The following CUX1 variants were observed in gnomAD, a reference collection of about 807,000 sequenced individuals.
CUX1 encodes the protein cut like homeobox 1.
In CUX1, 31 loss-of-function variants were observed where a neutral mutation model predicts 158.8. That is an observed-to-expected ratio of 0.20 (90% CI 0.15 to 0.26). CUX1 has a LOEUF of 0.26. CUX1 is among the 10% of genes least tolerant of loss of function. The probability of loss-of-function intolerance (pLI) is 1.00; values close to 1 mark genes in which losing one functional copy is unlikely to be tolerated. For synonymous variants in CUX1, 879 were observed against 862.1 expected, an observed-to-expected ratio of 1.02 and a Z score of -0.34; for missense variants, 1,589 against 2,014.6, an observed-to-expected ratio of 0.79 and a Z score of 4.04.
At chr7:102,035,269 A>G (rs978401681) in intron 3 of CUX1, among the ~76,000 whole-genome samples, 1 of 152,100 alleles carries the variant, frequency 6.6e-6, no homozygotes, top group African/African-American at 2.4e-5. Context: ...TACCCATACA[A>G]CCATGCCGTT....
At chr7:102,168,586 G>T (rs1411138614) in intron 9 of CUX1, among the ~76,000 whole-genome samples, 1 of 146,982 alleles carries the variant, frequency 6.8e-6, no homozygotes, top group Non-Finnish European at 1.5e-5. Context: ...GGAGGCTGCA[G>T]TGAGCCAAGA....
intron 5 of CUX1, 142 bp downstream of exon 5, chr7:102,097,643 A>G: frequency 1.2e-6 from 1 of 861,554 alleles, no homozygotes; most frequent in Non-Finnish European, 1.7e-6. Context: ...CAGGAATCTG[A>G]GTCGTTAAAG....
chr7:102,173,913 A>G lies in CUX1; in HGVS notation c.828+3363A>G, dbSNP rs568295189. 7.3e-4 allele frequency among the ~76,000 whole-genome samples: 111 copies of G among 152,252 alleles called. 2 individuals carry two copies. In the South Asian group the frequency reaches 0.02, roughly 28 times the overall value. On this transcript the variant is annotated intron_variant, in intron 10 of 23. Transcript: ENST00000292535. ...AGCTGCAGCCAGTTGGGGAGCAAAC[A>G]TAGGAAACTGGGCCAGCGGAAAAAT...
chr7:102,255,972 G>A lies in CUX1; in HGVS notation c.*6930G>A. ...TGCACACCAAATGAACTCAAAGTAA[G>A]CTTTAGACCAGGACGATTCAGGTTA... On this transcript the variant is annotated 3_prime_UTR_variant, in exon 24 of 24. Coordinates refer to ENST00000292535, the MANE Select transcript of CUX1 (RefSeq NM_181552.4). The A allele has an allele frequency of 2.0e-6, 2 of 985,418 alleles. No homozygotes were observed. Among genetic ancestry groups the A allele is most frequent in the Non-Finnish European group, 2.4e-6 (2 of 829,934 alleles). The allele number at this position is 985,418 out of a possible 1,614,324, so 61.0% of individuals were successfully genotyped here.
intron 4 of CUX1, among the ~76,000 whole-genome samples, chr7:102,091,876 C>G (rs1828616670): frequency 6.6e-6 from 1 of 152,166 alleles, no homozygotes; most frequent in Non-Finnish European, 1.5e-5. Context: ...CTGCCTCAGC[C>G]TCCCAAATAG....
chr7:102,231,766 T>C (rs1351278725), intron 21 of CUX1, among the ~76,000 whole-genome samples: 1 of 149,646 alleles, frequency 6.7e-6, no homozygotes, highest in Non-Finnish European at 1.5e-5. Flanking sequence ...CAGGCTGGAG[T>C]GCAGTGGCAC....
intron 2 of CUX1, among the ~76,000 whole-genome samples, chr7:102,007,448 C>T (rs563215298): frequency 2.0e-5 from 3 of 152,128 alleles, no homozygotes; most frequent in South Asian, 2.1e-4. Flanking sequence ...TCCCACCCTC[C>T]GCCCCTGGGT....
chr7:101,877,798 G>A (rs929206612), intron 1 of CUX1, among the ~76,000 whole-genome samples: 2 of 107,740 alleles, frequency 1.9e-5, no homozygotes, highest in Non-Finnish European at 3.9e-5. Flanking sequence ...GTGTGTGTGT[G>A]TGTGTTTATT....
In CUX1 at chr7:101,916,545, C is replaced by T. The variant is rs569405768; in HGVS notation, c.141+320C>T. On this transcript the variant is annotated intron_variant, in intron 2 of 23. Coordinates refer to ENST00000292535, the MANE Select transcript of CUX1 (RefSeq NM_181552.4). The surrounding 1 kb of genome is among the most constrained non-coding windows in gnomAD (Gnocchi z 4.4). ...CTCAGACCCTCGAGCTCATCCCAGA[C>T]CCTGTCCCATGTCAGTTAGCAAGCC... 5 of 289,018 alleles carry T rather than the reference C, an allele frequency of 1.7e-5. No individual in the cohort carries two copies. Among genetic ancestry groups the T allele is most frequent in the African/African-American group, 1.1e-4 (5 of 46,186 alleles). The allele number at this position is 289,018 out of a possible 1,614,324, so 17.9% of individuals were successfully genotyped here. A position where few individuals can be genotyped will look rare whatever the true frequency, so the allele number is the denominator to read the frequency against.
chr7:101,944,343 G>A (rs1339949495), intron 2 of CUX1, among the ~76,000 whole-genome samples: 3 of 152,220 alleles, frequency 2.0e-5, no homozygotes, highest in African/African-American at 4.8e-5. Flanking sequence ...CCAGGAAGGC[G>A]TTGATACATT....
chr7:102,264,870 A>T (rs936067662), intron 14 of CUX1: 1 of 152,478 alleles, frequency 6.6e-6, no homozygotes, highest in African/African-American at 2.4e-5. Flanking sequence ...TCACACCCTC[A>T]TGGTTCTGCT....
At chr7:102,103,027 C>T (rs1829949472) in intron 5 of CUX1, among the ~76,000 whole-genome samples, 1 of 152,210 alleles carries the variant, frequency 6.6e-6, no homozygotes, top group Non-Finnish European at 1.5e-5. Context: ...CCCATTTGGG[C>T]AGTTGAGGTG....
chr7:102,084,686 G>A (rs190656065), intron 4 of CUX1, among the ~76,000 whole-genome samples: 1 of 119,324 alleles, frequency 8.4e-6, no homozygotes, highest in Non-Finnish European at 2.1e-5. Context: ...GCCTCCCAAA[G>A]TACTGGGATT....
At chr7:102,067,989 C>A (rs1247356739) in intron 3 of CUX1, among the ~76,000 whole-genome samples, 1 of 151,956 alleles carries the variant, frequency 6.6e-6, no homozygotes, top group Non-Finnish European at 1.5e-5. Context: ...CCACTGCACT[C>A]CAGCCTGGGC....
At chr7:102,271,109 C>T (rs1791184095) in intron 14 of CUX1, among the ~76,000 whole-genome samples, 1 of 152,184 alleles carries the variant, frequency 6.6e-6, no homozygotes, top group African/African-American at 2.4e-5. Context: ...GCCAGGCGCA[C>T]ACCTCCAGGG....
intron 3 of CUX1, among the ~76,000 whole-genome samples, chr7:102,069,344 A>T (rs1825886072): frequency 6.6e-6 from 1 of 152,048 alleles, no homozygotes; most frequent in South Asian, 2.1e-4. Context: ...CCCACCTGGC[A>T]GACTCTCGTG....
At chr7:101,982,890 A>G (rs1454028159) in intron 2 of CUX1, among the ~76,000 whole-genome samples, 1 of 119,932 alleles carries the variant, frequency 8.3e-6, no homozygotes, top group Non-Finnish European at 1.7e-5. Context: ...CCCCATGACA[A>G]GCCCCGGTGT....
At chr7:102,053,511 G>C (rs7808639) in intron 3 of CUX1, among the ~76,000 whole-genome samples, 1 of 151,834 alleles carries the variant, frequency 6.6e-6, no homozygotes, top group Non-Finnish European at 1.5e-5. Flanking sequence ...TCACCCTGTC[G>C]TGCTATCAAA....
chr7:101,969,359 C>CAAAAAAAAAAAAAA (rs10711703), intron 2 of CUX1, among the ~76,000 whole-genome samples: 32 of 56,088 alleles, frequency 5.7e-4, no homozygotes, highest in Admixed American at 8.4e-4. Flanking sequence ...CAAAAAACAG[C>CAAAAAAAAAAAAAA]AAAAAAAAAA....
Sources: allele counts gnomAD v4.1 joint callset (sites outside exome capture counted in the v4.1 genomes callset), GRCh38; gene constraint gnomAD v4.1.1; non-coding constraint Gnocchi (gnomAD v3.1); transcripts MANE v1.5; gene names NCBI Gene and HGNC (gene_info 2026-07-23, HGNC 2026-07-21).